The following DUSP22 variants were observed in gnomAD, a reference collection of about 807,000 sequenced individuals.
DUSP22 encodes dual specificity phosphatase 22, also known as dual specificity protein phosphatase 22.
Under a neutral mutation model 24.5 loss-of-function variants are expected in DUSP22, and 24 were observed. The observed-to-expected ratio is 0.98, with a 90% CI of 0.71 to 1.38. The LOEUF (loss-of-function observed/expected upper bound fraction) is 1.38. DUSP22 is among the 40% of genes most tolerant of loss of function. The pLI is 0.00. For synonymous variants in DUSP22, 160 were observed against 106.4 expected, an observed-to-expected ratio of 1.50 and a Z score of -3.10; for missense variants, 330 against 269.2, an observed-to-expected ratio of 1.23 and a Z score of -1.58.
At chr6:323,240 A>ATGTGTGTG (rs5873739) in intron 3 of DUSP22, among the ~76,000 whole-genome samples, 144 of 151,684 alleles carry the variant, frequency 9.5e-4, no homozygotes, top group African/African-American at 3.3e-3. Flanking sequence ...GCGTGTGTGC[A>ATGTGTGTG]TGTGTGTGTG....
At position 348,123 on chromosome 6, in the gene DUSP22, G is replaced by C. The variant is rs1289543199; in HGVS notation, c.284G>C (p.Ser95Thr). Residue 95 changes from serine (S) to threonine (T), a missense_variant, in exon 6 of 7, where the codon AGC (serine) becomes ACC (threonine). Transcript: ENST00000419235. ...CGCAGCCTGGCCGGGGTCTCCAGGA[G>C]CGTGACACTGGTGATCGCATACATC... is the stretch of plus-strand genomic sequence containing the variant. ...LVHCLAGVSRSVTLVIAYIMT... is the reference protein window; with the variant it reads ...LVHCLAGVSRTVTLVIAYIMT... The C allele has an allele frequency of 2.5e-6, 4 of 1,614,284 alleles. No individual in the cohort carries two copies. The Admixed American group carries it at 5.0e-5, about 20-fold the overall frequency.
intron 3 of DUSP22, among the ~76,000 whole-genome samples, chr6:318,446 C>G (rs1203478378): frequency 6.6e-6 from 1 of 152,306 alleles, no homozygotes; most frequent in African/African-American, 2.4e-5. Context: ...TGTGGCCCTC[C>G]TCCAGCAGCC....
At chr6:331,927 G>C (rs919054034) in intron 3 of DUSP22, among the ~76,000 whole-genome samples, 1 of 152,308 alleles carries the variant, frequency 6.6e-6, no homozygotes, top group African/African-American at 2.4e-5. Flanking sequence ...GCAGTGGCCA[G>C]GAGGGACGCT....
chr6:292,634 C>G lies in DUSP22; in HGVS notation c.21+74C>G, dbSNP rs183872292. ...TGCCGTCTCGCCGGCGTCGGCTGCC[C>G]GACGACTCGAGCCCGGGGTGCCCTT... On this transcript the variant is annotated intron_variant, in intron 1 of 6. Transcript: ENST00000419235. The G allele has an allele frequency of 1.2e-5, 19 of 1,543,994 alleles. No individual in the cohort carries two copies. In the East Asian group the frequency reaches 2.0e-4, roughly 17 times the overall value.
intron 3 of DUSP22, among the ~76,000 whole-genome samples, chr6:327,091 C>G (rs545749793): frequency 6.6e-6 from 1 of 152,416 alleles, no homozygotes; most frequent in East Asian, 1.9e-4. Flanking sequence ...AGCTGTGCCC[C>G]GTGAACATGG....
intron 4 of DUSP22, among the ~76,000 whole-genome samples, chr6:340,228 A>G (rs1759545376): frequency 6.6e-6 from 1 of 152,308 alleles, no homozygotes; most frequent in Admixed American, 6.5e-5. Context: ...GTGAAATATC[A>G]AAGTTGGGGA....
intron 1 of DUSP22, among the ~76,000 whole-genome samples, chr6:295,404 C>T (rs1228474998): frequency 7.9e-5 from 12 of 152,376 alleles, no homozygotes; most frequent in South Asian, 4.1e-4. Flanking sequence ...TGCCCGTTTC[C>T]GTTAGGTGTA....
At position 349,644 on chromosome 6, in the gene DUSP22, G is replaced by C; in HGVS notation, c.*693G>C. 1 of 986,752 alleles carries C rather than the reference G, an allele frequency of 1.0e-6. No homozygotes were observed. The highest frequency in any genetic ancestry group is 1.2e-6 in the Non-Finnish European group (1 of 830,950). The allele number at this position is 986,752 out of a possible 1,614,324, so 61.1% of individuals were successfully genotyped here. On this transcript the variant is annotated 3_prime_UTR_variant, in exon 7 of 7. Transcript: ENST00000419235. ...CCTGGAAAACGTGAGAGACTGCCCT[G>C]AGCTGGTCCAGTGGGCCAGCACTTT...
chr6:298,825 G>C (rs539570882), intron 1 of DUSP22, among the ~76,000 whole-genome samples: 58 of 152,404 alleles, frequency 3.8e-4, no homozygotes, highest in Middle Eastern at 3.4e-3. Flanking sequence ...CTCTGGGCAG[G>C]TTTTAGGGAC....
Position 350,100 on chromosome 6 carries a change from A to C in DUSP22, c.*1149A>C. 1 of 985,980 alleles carries C rather than the reference A, an allele frequency of 1.0e-6. No individual in the cohort carries two copies. The highest frequency in any genetic ancestry group is 1.2e-6 in the Non-Finnish European group (1 of 830,302). 61.1% of individuals were successfully genotyped at this position (985,980 alleles called of 1,614,324 possible). A position where few individuals can be genotyped will look rare whatever the true frequency, so the allele number is the denominator to read the frequency against. On this transcript the variant is annotated 3_prime_UTR_variant, in exon 7 of 7. Coordinates refer to ENST00000419235, the MANE Select transcript of DUSP22 (RefSeq NM_001286555.3). ...ATAATTGATCTGAGCTACCTCATTG[A>C]ATGTTTTTGGAAAGGTGTTTTTTGG...
intron 3 of DUSP22, among the ~76,000 whole-genome samples, chr6:324,944 A>T (rs1460717910): frequency 6.6e-6 from 1 of 152,298 alleles, no homozygotes; most frequent in Admixed American, 6.5e-5. Flanking sequence ...TGCCTCCCTA[A>T]GGAGGGAGCT....
intron 4 of DUSP22, chr6:337,118 A>C (rs1450254094): frequency 2.0e-5 from 3 of 152,658 alleles, no homozygotes; most frequent in Non-Finnish European, 4.4e-5. Context: ...CTTTGCTAGG[A>C]GCTGAGTGCT....
rs373379863 is a variant in DUSP22, at chr6:304,577, C to T, written c.22-51C>T. ...CTGGATGAGGCCCCCTTCTGCAATA[C>T]CATCCACTTAGAGTCTGCCATGCTC... On this transcript the variant is annotated intron_variant, in intron 1 of 6. Transcript: ENST00000419235. 3.6e-5 allele frequency: 58 copies of T among 1,613,594 alleles called. No homozygotes were observed. The African/African-American group carries it at 3.9e-4, about 11-fold the overall frequency.
At chr6:299,129 C>T (rs1472693657) in intron 1 of DUSP22, among the ~76,000 whole-genome samples, 1 of 152,310 alleles carries the variant, frequency 6.6e-6, no homozygotes, top group African/African-American at 2.4e-5. Context: ...TGGGACATTC[C>T]CAAGTTGCCT....
intron 1 of DUSP22, among the ~76,000 whole-genome samples, chr6:303,899 T>G (rs1445911740): frequency 6.6e-6 from 1 of 152,296 alleles, no homozygotes; most frequent in African/African-American, 2.4e-5. Context: ...TAACAGATTC[T>G]GGAGTTCTGA....
chr6:301,033 C>T (rs530438420), intron 1 of DUSP22, among the ~76,000 whole-genome samples: 73 of 152,394 alleles, frequency 4.8e-4, no homozygotes, highest in Middle Eastern at 6.8e-3. Flanking sequence ...TCCCTGCAGC[C>T]GGCGTGCAGA....
At chr6:326,284 T>C (rs991731722) in intron 3 of DUSP22, 18 of 250,210 alleles carry the variant, frequency 7.2e-5, no homozygotes, top group Non-Finnish European at 1.2e-4. Context: ...TGCGTCCTGG[T>C]GTGTGCAGTG....
chr6:330,985 C>T (rs1339112219), intron 3 of DUSP22, among the ~76,000 whole-genome samples: 1 of 152,310 alleles, frequency 6.6e-6, no homozygotes, highest in Non-Finnish European at 1.5e-5. Context: ...CTTACTTCTT[C>T]CCCCTTTTCC....
At chr6:339,621 C>T (rs917766754) in intron 4 of DUSP22, among the ~76,000 whole-genome samples, 16 of 152,276 alleles carry the variant, frequency 1.1e-4, no homozygotes, top group Non-Finnish European at 2.4e-4. Context: ...TACATCATTG[C>T]AGTAGCGCCT....
Sources: allele counts gnomAD v4.1 joint callset (sites outside exome capture counted in the v4.1 genomes callset), GRCh38; gene constraint gnomAD v4.1.1; transcripts MANE v1.5; gene names NCBI Gene and HGNC (gene_info 2026-07-23, HGNC 2026-07-21).